Variants in LARP7 observed in about 807,000 individuals in gnomAD.
The protein encoded by LARP7 is la-related protein 7.
Under a neutral mutation model 69.3 loss-of-function variants are expected in LARP7, and 52 were observed. The ratio of observed to expected loss-of-function variants is 0.75; its 90% CI spans 0.60 to 0.95. The LOEUF (loss-of-function observed/expected upper bound fraction) is 0.95, where lower values mean the gene tolerates loss of function less well. Among genes scored for constraint, LARP7 ranks in the 40% least tolerant of loss-of-function variants. LARP7 has a pLI of 0.00. For missense variants in LARP7, 733 were observed against 673.0 expected (o/e 1.09, Z -0.99); for synonymous variants, 254 against 215.9 (o/e 1.18, Z -1.55).
At chr4:112,652,750 G>C (rs937795846) in intron 10 of LARP7, among the ~76,000 whole-genome samples, 1 of 147,934 alleles carries the variant, frequency 6.8e-6, no homozygotes, top group Admixed American at 6.8e-5. Flanking sequence ...AGATGTGAAC[G>C]CTTCCTGATT....
Position 112,647,103 on chromosome 4 carries a change from C to G in LARP7, c.622C>G (p.Pro208Ala). The G allele has an allele frequency of 6.2e-7, 1 of 1,610,108 alleles. No homozygotes were observed. Among genetic ancestry groups the G allele is most frequent in the Non-Finnish European group, 8.5e-7 (1 of 1,179,116 alleles). ...ATTTCCTAAAACAGTGAAAAATAAG[C>G]CCATTCCAGCCTTAAGAGTTGTGGG... is the stretch of plus-strand genomic sequence containing the variant. The part of the protein sequence containing the change: ...GIFPKTVKNK[P>A]IPALRVVEEK... Residue 208 changes from proline to alanine, a missense_variant, in exon 6 of 13, where the codon CCC becomes GCC. Pro to Ala is a conservative substitution (Grantham distance 27, BLOSUM62 -1). Transcript: ENST00000344442.
At chr4:112,642,835 T>C (rs1170928118) in intron 1 of LARP7, among the ~76,000 whole-genome samples, 3 of 152,242 alleles carry the variant, frequency 2.0e-5, no homozygotes, top group Non-Finnish European at 4.4e-5. Context: ...GTTGTTCTGG[T>C]CACGTAGGCA....
intron 11 of LARP7, 96 bp from the exon 12 acceptor site, chr4:112,653,972 T>G (rs1445986743): frequency 1.2e-6 from 1 of 835,306 alleles, no homozygotes; most frequent in East Asian, 2.4e-5. Flanking sequence ...AATCAAAAAC[T>G]GTCCTAGTTA....
Position 112,644,945 on chromosome 4 carries a change from C to T in LARP7, c.202+74C>T, listed in dbSNP as rs144464324. 9.9e-3 allele frequency: 1,662 copies of T among 167,746 alleles called. 1 individual carries two copies. The highest frequency in any genetic ancestry group is 9.7e-3 in the Non-Finnish European group (1,036 of 107,226). The allele number at this position is 167,746 out of a possible 1,614,324, so 10.4% of individuals were successfully genotyped here. On this transcript the variant is annotated intron_variant, in intron 2 of 12. Transcript: ENST00000344442. Reference sequence around the variant, plus strand: ...AAATTTACTTATAAAATAATATATTCTTTTTTTTTTTTTTTTTTTGAGTTG... The same window carrying T: ...AAATTTACTTATAAAATAATATATTTTTTTTTTTTTTTTTTTTTTGAGTTG...
chr4:112,655,953 A>G (rs59128009), intron 12 of LARP7, among the ~76,000 whole-genome samples: 15,774 of 152,144 alleles, frequency 0.1, 2,489 homozygotes, highest in African/African-American at 0.34. Flanking sequence ...CATCTTAGTA[A>G]GTAATGGAAA....
chr4:112,653,546 G>C (rs1453339607), intron 11 of LARP7, among the ~76,000 whole-genome samples: 1 of 152,062 alleles, frequency 6.6e-6, no homozygotes, highest in African/African-American at 2.4e-5. Context: ...GTGCTGTGGT[G>C]CGATCTCGGC....
chr4:112,645,702 AAG>A (rs1315922874), intron 2 of LARP7: 1 of 431,086 alleles, frequency 2.3e-6, no homozygotes, highest in South Asian at 1.6e-5. Context: ...TGGCATTTTT[AAG>A]AGATATGGGG....
chr4:112,644,475 C>T (rs2048085758), intron 1 of LARP7, 193 bp from the exon 2 acceptor site: 1 of 1,188,660 alleles, frequency 8.4e-7, no homozygotes, highest in South Asian at 2.3e-5. Flanking sequence ...AAGCTATGAT[C>T]CCTAACATAG....
At chr4:112,640,703 TTAAAAA>T (rs1187304898) in intron 1 of LARP7, among the ~76,000 whole-genome samples, 2 of 151,812 alleles carry the variant, frequency 1.3e-5, no homozygotes, top group East Asian at 1.9e-4. Context: ...CAATAAATAA[TTAAAAA>T]TAAAAAATAA....
At chr4:112,639,477 G>T (rs1038854256) in intron 1 of LARP7, among the ~76,000 whole-genome samples, 4 of 151,634 alleles carry the variant, frequency 2.6e-5, no homozygotes, top group Non-Finnish European at 5.9e-5. Flanking sequence ...TGATCCGCCC[G>T]CCTTGGCCTC....
intron 10 of LARP7, 109 bp from the exon 11 acceptor site, chr4:112,652,968 C>A: frequency 1.3e-6 from 1 of 752,502 alleles, no homozygotes; most frequent in Non-Finnish European, 1.9e-6. Flanking sequence ...CATTAGACTG[C>A]AAAATGCTTT....
rs2048340514 is a variant in LARP7 at position 112,647,262 on chromosome 4, A to G, written c.710A>G (p.Lys237Arg). 1 of 1,611,510 alleles carries G rather than the reference A, an allele frequency of 6.2e-7. No individual in the cohort carries two copies. The highest frequency in any genetic ancestry group is 8.5e-7 in the Non-Finnish European group (1 of 1,179,140). Residue 237 changes from lysine (K) to arginine (R), a missense_variant, in exon 7 of 13, where the codon AAA (lysine) becomes AGA (arginine). Transcript: ENST00000344442. ...RMKKEDNIQA[K>R]EENMDTSNTS... ...AAAAAGGAAGACAATATCCAAGCCA[A>G]AGAAGAAAACATGGACACAAGCAAC...
intron 8 of LARP7, chr4:112,648,420 T>A (rs1181789758): frequency 1.9e-6 from 1 of 534,516 alleles, no homozygotes; most frequent in Non-Finnish European, 3.8e-6. Context: ...ACCCCCATGT[T>A]AAAGCAAAGG....
At chr4:112,643,530 C>G (rs1372160031) in intron 1 of LARP7, among the ~76,000 whole-genome samples, 1 of 152,092 alleles carries the variant, frequency 6.6e-6, no homozygotes, top group East Asian at 1.9e-4. Context: ...GAAATAAACA[C>G]TGGGATGAGA....
chr4:112,639,654 T>C (rs1215747938), intron 1 of LARP7, among the ~76,000 whole-genome samples: 2 of 152,178 alleles, frequency 1.3e-5, no homozygotes, highest in African/African-American at 4.8e-5. Context: ...GTCTGTGTTT[T>C]AGATGGGTTA....
chr4:112,652,700 C>A (rs2048799726), intron 10 of LARP7, among the ~76,000 whole-genome samples: 1 of 142,808 alleles, frequency 7.0e-6, no homozygotes. Flanking sequence ...CTCCCTTAAT[C>A]CTTTTTTTTT....
intron 1 of LARP7, among the ~76,000 whole-genome samples, chr4:112,641,001 C>T (rs1049302496): frequency 7.2e-5 from 11 of 152,164 alleles, no homozygotes; most frequent in African/African-American, 2.7e-4. Flanking sequence ...TGGACTGAGC[C>T]TGTTGGCAAG....
chr4:112,652,676 G>A (rs939779945), intron 10 of LARP7, among the ~76,000 whole-genome samples: 2 of 150,642 alleles, frequency 1.3e-5, no homozygotes, highest in Admixed American at 1.3e-4. Context: ...TTCTACAGGT[G>A]AGTAAAAACA....
intron 1 of LARP7, among the ~76,000 whole-genome samples, chr4:112,640,218 C>T (rs541301711): frequency 2.0e-5 from 3 of 152,266 alleles, no homozygotes; most frequent in South Asian, 4.1e-4. Context: ...GGATTATAGG[C>T]GTGAACCACT....
Sources: gnomAD v4.1 joint callset for allele counts (sites outside exome capture counted in the v4.1 genomes callset) on GRCh38, gnomAD v4.1.1 for gene constraint, MANE v1.5 for transcripts, NCBI Gene and HGNC (gene_info 2026-07-23, HGNC 2026-07-21) for gene names.